Variants in PKHD1 observed in about 807,000 individuals in gnomAD.
PKHD1 encodes the protein fibrocystin.
In PKHD1, 291 loss-of-function variants were observed where a neutral mutation model predicts 412.0. The observed-to-expected ratio is 0.71, with a 90% confidence interval of 0.64 to 0.78. The LOEUF (loss-of-function observed/expected upper bound fraction) is 0.78, where lower values mean the gene tolerates loss of function less well. PKHD1 is among the 30% of genes least tolerant of loss of function. PKHD1 has a pLI of 0.00. For synonymous variants in PKHD1, 1,777 were observed against 1,821.5 expected (o/e 0.98, Z 0.62); for missense variants, 4,825 against 4,950.7 (o/e 0.97, Z 0.76).
chr6:51,942,824 A>C (rs952004145), intron 36 of PKHD1, among the ~76,000 whole-genome samples: 12 of 151,616 alleles, frequency 7.9e-5, no homozygotes, highest in Non-Finnish European at 1.8e-4. Flanking sequence ...CCTCAAGGAA[A>C]TAACTTCTCA....
intron 35 of PKHD1, among the ~76,000 whole-genome samples, chr6:51,969,146 T>TGCCATGTGGCTTGGAGGAG (rs1793285777): frequency 6.6e-6 from 1 of 152,224 alleles, no homozygotes; most frequent in East Asian, 1.9e-4. Context: ...AGGAGCAACC[T>TGCCATGTGGCTTGGAGGAG]GCCATGTGGC....
At chr6:51,775,987 G>A in intron 53 of PKHD1, 66 bp from the exon 54 acceptor site, 1 of 812,064 alleles carries the variant, frequency 1.2e-6, no homozygotes, top group Non-Finnish European at 2.2e-6. Flanking sequence ...GGGAGAAATT[G>A]CAGTATAATT....
Position 51,848,166 on chromosome 6 carries a change from T to A in PKHD1, c.7912-196A>T, listed in dbSNP as rs536519968. ...TTAAATCTACTTCATAAAAAATTCA[T>A]AACTAGAGCTACAAAATCAGACTAT... is the stretch of plus-strand genomic sequence containing the variant. On this transcript the variant is annotated intron_variant, in intron 49 of 66. Transcript: ENST00000371117. Among the ~76,000 whole-genome samples the A allele has an allele frequency of 1.2e-4, 18 of 152,292 alleles. No individual in the cohort carries two copies. In the East Asian group the frequency reaches 2.9e-3, roughly 24 times the overall value.
chr6:51,953,261 C>T (rs2474891), intron 36 of PKHD1, among the ~76,000 whole-genome samples: 3 of 152,008 alleles, frequency 2.0e-5, no homozygotes, highest in Non-Finnish European at 4.4e-5. Context: ...CCACAAAACC[C>T]TCTCCTGTTG....
rs1766096915 is a variant in PKHD1, at chr6:51,616,686, A to G, written c.*2395T>C. 1 of 398,352 alleles carries G rather than the reference A, an allele frequency of 2.5e-6. No individual in the cohort carries two copies. Among genetic ancestry groups the G allele is most frequent in the Admixed American group, 4.4e-5 (1 of 22,692 alleles). The allele number at this position is 398,352 out of a possible 1,614,324, so 24.7% of individuals were successfully genotyped here. On this transcript the variant is annotated 3_prime_UTR_variant, in exon 67 of 67. Transcript: ENST00000371117. ...CAAAGAGTCAATTCTGGCCTCAGGG[A>G]TCACAGGCTTTTCTGGGATGGAATT...
At chr6:51,911,743 G>A in intron 39 of PKHD1, 56 bp downstream of exon 39, 2 of 1,452,054 alleles carry the variant, frequency 1.4e-6, no homozygotes, top group South Asian at 2.3e-5. Context: ...TCTATCATCA[G>A]ACAGTAAGAA....
chr6:51,777,296 C>T (rs1582630587), intron 53 of PKHD1, among the ~76,000 whole-genome samples: 1 of 152,070 alleles, frequency 6.6e-6, no homozygotes, highest in Non-Finnish European at 1.5e-5. Context: ...CTAAAGCTTG[C>T]TACATACCTA....
chr6:51,720,574 C>G (rs899950011), intron 60 of PKHD1, among the ~76,000 whole-genome samples: 1 of 152,156 alleles, frequency 6.6e-6, no homozygotes, highest in Non-Finnish European at 1.5e-5. Context: ...TTTAAACGCA[C>G]TTCCAAGAGC....
At chr6:51,894,086 A>G (rs1007198773) in intron 43 of PKHD1, among the ~76,000 whole-genome samples, 6 of 152,218 alleles carry the variant, frequency 3.9e-5, no homozygotes, top group Admixed American at 1.3e-4. Context: ...CACACAGGTT[A>G]TGTCTTCTGG....
At chr6:51,799,048 A>G (rs1795012043) in intron 52 of PKHD1, among the ~76,000 whole-genome samples, 1 of 152,176 alleles carries the variant, frequency 6.6e-6, no homozygotes, top group Admixed American at 6.5e-5. Context: ...TGAATCACAG[A>G]CAGACTATTA....
chr6:52,041,027 T>C (rs1386711410), intron 27 of PKHD1, among the ~76,000 whole-genome samples: 1 of 152,196 alleles, frequency 6.6e-6, no homozygotes, highest in Non-Finnish European at 1.5e-5. Context: ...ATTTGAAAGT[T>C]TAGACTATGG....
intron 66 of PKHD1, among the ~76,000 whole-genome samples, chr6:51,625,691 G>A (rs936840078): frequency 6.6e-6 from 1 of 152,024 alleles, no homozygotes. Context: ...TAATTTAAGC[G>A]GGCCACTGAA....
Position 52,070,421 on chromosome 6 carries a change from A to G in PKHD1, c.692T>C (p.Val231Ala), listed in dbSNP as rs770023502. The G allele has an allele frequency of 6.2e-7, 1 of 1,609,128 alleles. No individual in the cohort carries two copies. The change falls in exon 10 of 67, where the codon GTA becomes GCA. Residue 231 changes from valine (V) to alanine (A), a missense_variant. By Grantham distance (64) the Val-to-Ala change is moderately conservative (BLOSUM62 0). Coordinates refer to ENST00000371117, the MANE Select transcript of PKHD1 (RefSeq NM_138694.4). Reference sequence around the variant, plus strand: ...AGTTACTTACTTTCCTTTGTTAAATACTGAGAAGCTAACATTCTGGGAGCC... The same window carrying G: ...AGTTACTTACTTTCCTTTGTTAAATGCTGAGAAGCTAACATTCTGGGAGCC... ...YIGSQNVSFSVFNKGKSMVHK... is the reference protein window; with the variant it reads ...YIGSQNVSFSAFNKGKSMVHK...
chr6:51,855,562 A>G (rs1304482753), intron 49 of PKHD1, among the ~76,000 whole-genome samples: 1 of 152,240 alleles, frequency 6.6e-6, no homozygotes, highest in East Asian at 1.9e-4. Context: ...CTATTGACCA[A>G]TAAGTTTTAA....
At chr6:51,666,020 G>A (rs574657862) in intron 60 of PKHD1, among the ~76,000 whole-genome samples, 14 of 152,204 alleles carry the variant, frequency 9.2e-5, no homozygotes, top group African/African-American at 3.1e-4. Context: ...CAAGTATGAC[G>A]GTGAGTATTG....
intron 35 of PKHD1, among the ~76,000 whole-genome samples, chr6:51,985,448 G>T (rs1315181667): frequency 6.6e-6 from 1 of 152,330 alleles, no homozygotes; most frequent in South Asian, 2.1e-4. Flanking sequence ...AAGAAAGCAG[G>T]CCGAGCGCGG....
chr6:52,053,463 T>C (rs1222638214), intron 20 of PKHD1, among the ~76,000 whole-genome samples: 1 of 152,222 alleles, frequency 6.6e-6, no homozygotes, highest in African/African-American at 2.4e-5. Context: ...ATGCTAGTAG[T>C]CACCTTTTAA....
At chr6:52,034,001 T>G (rs1803511076) in intron 28 of PKHD1, among the ~76,000 whole-genome samples, 1 of 151,970 alleles carries the variant, frequency 6.6e-6, no homozygotes, top group South Asian at 2.1e-4. Flanking sequence ...TGGTGGTGCA[T>G]GCCTGTAATT....
chr6:51,871,618 A>G (rs1225258466), intron 46 of PKHD1, among the ~76,000 whole-genome samples: 3 of 119,080 alleles, frequency 2.5e-5, no homozygotes, highest in African/African-American at 8.2e-5. Flanking sequence ...AAATGTGTAC[A>G]TGTGTTAAAG....
Sources: gnomAD v4.1 joint callset for allele counts (sites outside exome capture counted in the v4.1 genomes callset) on GRCh38, gnomAD v4.1.1 for gene constraint, MANE v1.5 for transcripts, NCBI Gene and HGNC (gene_info 2026-07-23, HGNC 2026-07-21) for gene names.